Variants in MYO19 observed in about 807,000 individuals in gnomAD.
The protein encoded by MYO19 is myosin XIX.
Under a neutral mutation model 129.2 loss-of-function variants are expected in MYO19, and 132 were observed. The ratio of observed to expected loss-of-function variants is 1.02; its 90% CI spans 0.89 to 1.18. The LOEUF is 1.18. Among genes scored for constraint, MYO19 ranks in the 50% most tolerant of loss-of-function variants. The probability of loss-of-function intolerance (pLI) is 0.00; values close to 1 mark genes in which losing one functional copy is unlikely to be tolerated. For synonymous variants in MYO19, 531 were observed against 477.2 expected (o/e 1.11, Z -1.47); for missense variants, 1,210 against 1,216.7 (o/e 0.99, Z 0.08).
intron 6 of MYO19, among the ~76,000 whole-genome samples, chr17:36,522,439 G>A (rs545355367): frequency 4.6e-5 from 7 of 151,458 alleles, no homozygotes; most frequent in South Asian, 2.1e-4. Context: ...GAACCCAGGA[G>A]GCGGAGGTTG....
At position 36,510,597 on chromosome 17, in the gene MYO19, C is replaced by T; in HGVS notation, c.1157+149G>A. ...CCTGGGAGCTGTGCCCTGATGTGTCCAGGGGTTTGAGGAGCAGGGAGAGGA... is the reference window on the plus strand; with the variant it reads ...CCTGGGAGCTGTGCCCTGATGTGTCTAGGGGTTTGAGGAGCAGGGAGAGGA... On this transcript the variant is annotated intron_variant, in intron 13 of 25. Coordinates refer to ENST00000614623, the MANE Select transcript of MYO19 (RefSeq NM_001163735.2). 8 of 837,376 alleles carry T rather than the reference C, an allele frequency of 9.6e-6. No homozygotes were observed. The Middle Eastern group carries it at 2.6e-3, about 273-fold the overall frequency. The allele number at this position is 837,376 out of a possible 1,614,324, so 51.9% of individuals were successfully genotyped here.
chr17:36,506,622 G>C lies in MYO19; in HGVS notation c.1645-14C>G, dbSNP rs771116028. ...TGGGATAGGGTCCTATTGGGAAATG[G>C]CAAGAGCAGCAGTGAGGGCAGGTGG... is the stretch of plus-strand genomic sequence containing the variant. On this transcript the variant is annotated splice_polypyrimidine_tract_variant and intron_variant, in intron 17 of 25. Coordinates refer to ENST00000614623, the MANE Select transcript of MYO19 (RefSeq NM_001163735.2). 1 of 1,518,128 alleles carries C rather than the reference G, an allele frequency of 6.6e-7. No individual in the cohort carries two copies. Among genetic ancestry groups the C allele is most frequent in the Non-Finnish European group, 8.8e-7 (1 of 1,136,652 alleles). 94.0% of individuals were successfully genotyped at this position (1,518,128 alleles called of 1,614,324 possible). A position where few individuals can be genotyped will look rare whatever the true frequency, so the allele number is the denominator to read the frequency against.
In MYO19 at chr17:36,532,755, C is replaced by T. The variant is rs2073900847; in HGVS notation, c.-143-74G>A. On this transcript the variant is annotated intron_variant, in intron 2 of 25. Coordinates refer to ENST00000614623, the MANE Select transcript of MYO19 (RefSeq NM_001163735.2). ...CTGGAGTGACTCACTCACTCCTTCC[C>T]ACCTAGCAGAAGCAACCAAAATGAG... 3 of 614,720 alleles carry T rather than the reference C, an allele frequency of 4.9e-6. No individual in the cohort carries two copies. The East Asian group carries it at 8.4e-5, about 17-fold the overall frequency. 38.1% of individuals were successfully genotyped at this position (614,720 alleles called of 1,614,324 possible). A position where few individuals can be genotyped will look rare whatever the true frequency, so the allele number is the denominator to read the frequency against.
chr17:36,537,715 CTGTT>C (rs753385776), upstream of MYO19: 314 of 1,614,162 alleles, frequency 1.9e-4, no homozygotes, highest in Admixed American at 6.0e-4. Context: ...TCATTGTACT[CTGTT>C]TGGCCATTAG....
At chr17:36,528,731 T>C (rs2073648091) in intron 3 of MYO19, among the ~76,000 whole-genome samples, 1 of 152,126 alleles carries the variant, frequency 6.6e-6, no homozygotes, top group African/African-American at 2.4e-5. Flanking sequence ...GAAAATAAAC[T>C]CAACTGACAA....
intron 3 of MYO19, among the ~76,000 whole-genome samples, chr17:36,531,492 A>G (rs1365640774): frequency 6.6e-6 from 1 of 152,116 alleles, no homozygotes; most frequent in Non-Finnish European, 1.5e-5. Context: ...TATTTTAGAG[A>G]ATATCATAGG....
At chr17:36,536,302 T>G (rs192877538), upstream of MYO19, among the ~76,000 whole-genome samples, 229 of 152,270 alleles carry the variant, frequency 1.5e-3, no homozygotes, top group Non-Finnish European at 2.6e-3. Context: ...GCAGTAGGTT[T>G]GGAGAGGCTC....
chr17:36,507,195 C>G (rs1358696280), intron 16 of MYO19, 56 bp from the exon 17 acceptor site: 2 of 1,569,052 alleles, frequency 1.3e-6, no homozygotes, highest in East Asian at 4.5e-5. Context: ...CACCACAACC[C>G]TCACTGTCCC....
intron 7 of MYO19, 117 bp downstream of exon 7, chr17:36,515,740 AC>A: frequency 9.2e-7 from 1 of 1,083,908 alleles, no homozygotes; most frequent in East Asian, 2.5e-5. Context: ...AGTGAAGGAT[AC>A]ACTCATCCTC....
chr17:36,539,225 T>C (rs983461790), upstream of MYO19: 1 of 167,138 alleles, frequency 6.0e-6, no homozygotes, highest in African/African-American at 2.4e-5. Flanking sequence ...TGTAACCTTA[T>C]GCTATTCTGT....
At position 36,503,998 on chromosome 17, in the gene MYO19, C is replaced by G; in HGVS notation, c.1928G>C (p.Cys643Ser). Reference sequence around the variant, plus strand: ...GATATGGATGGTCTCCACGAGGCCACAGGCCTCCAGCTGGCTCAGGACCTG... The same window carrying G: ...GATATGGATGGTCTCCACGAGGCCAGAGGCCTCCAGCTGGCTCAGGACCTG... ...QEEVLSQLEA[C>S]GLVETIHISA... The change falls in exon 20 of 26, where the codon TGT (cysteine) becomes TCT (serine). Residue 643 changes from cysteine (C) to serine (S), a missense_variant. By Grantham distance (112) the Cys-to-Ser change is moderately radical. Coordinates refer to ENST00000614623, the MANE Select transcript of MYO19 (RefSeq NM_001163735.2). 5.1e-6 allele frequency: 8 copies of G among 1,583,054 alleles called. No homozygotes were observed. Among genetic ancestry groups the G allele is most frequent in the Non-Finnish European group, 6.9e-6 (8 of 1,166,636 alleles).
chr17:36,520,627 GC>G (rs2073074621), intron 6 of MYO19, among the ~76,000 whole-genome samples: 1 of 152,012 alleles, frequency 6.6e-6, no homozygotes, highest in Non-Finnish European at 1.5e-5. Flanking sequence ...TTCTTCCTCA[GC>G]CTACTCAAAG....
At chr17:36,500,790 G>C (rs1163038788) in intron 23 of MYO19, 40 bp downstream of exon 23, 2 of 1,573,994 alleles carry the variant, frequency 1.3e-6, no homozygotes, top group South Asian at 1.1e-5. Context: ...ACATCCTGTG[G>C]GGTCTGTGAG....
upstream of MYO19, chr17:36,537,972 G>T (rs2142618795): frequency 6.2e-7 from 1 of 1,614,012 alleles, no homozygotes. Context: ...TGGCACTGAT[G>T]GTAGTGGCAC....
chr17:36,537,207 A>G (rs142067039), upstream of MYO19: 718 of 1,614,194 alleles, frequency 4.4e-4, no homozygotes, highest in Non-Finnish European at 5.7e-4. Context: ...TATCCTGTGC[A>G]GAGGGTTCCT....
chr17:36,541,181 G>A (rs1018361884), intron 2 of MYO19, among the ~76,000 whole-genome samples: 7 of 151,910 alleles, frequency 4.6e-5, no homozygotes, highest in South Asian at 2.1e-4. Flanking sequence ...TCCTGACCTC[G>A]TGATCCGCCT....
At chr17:36,514,581 G>A in intron 8 of MYO19, 33 bp from the exon 9 acceptor site, 1 of 1,414,072 alleles carries the variant, frequency 7.1e-7, no homozygotes, top group Non-Finnish European at 1.0e-6. Flanking sequence ...CCCGTTAGTT[G>A]CCCATTCATT....
intron 8 of MYO19, 87 bp downstream of exon 8, chr17:36,515,026 G>A (rs2072643871): frequency 1.6e-6 from 2 of 1,265,770 alleles, no homozygotes; most frequent in Non-Finnish European, 2.2e-6. Context: ...TTTGCCCATA[G>A]GGGTGGCCCA....
chr17:36,522,850 C>CA (rs1198561681), intron 6 of MYO19, among the ~76,000 whole-genome samples: 37 of 151,738 alleles, frequency 2.4e-4, no homozygotes, highest in Admixed American at 5.2e-4. Flanking sequence ...ACTAAAAATA[C>CA]AAAAAATTAG....
Sources: gnomAD v4.1 joint callset for allele counts (sites outside exome capture counted in the v4.1 genomes callset) on GRCh38, gnomAD v4.1.1 for gene constraint, MANE v1.5 for transcripts, NCBI Gene and HGNC (gene_info 2026-07-23, HGNC 2026-07-21) for gene names.